Variants in LARGE1 observed in about 807,000 individuals in gnomAD.
LARGE1 encodes the protein LARGE xylosyl- and glucuronyltransferase 1.
In LARGE1, 43 loss-of-function variants were observed where a neutral mutation model predicts 87.6. That is an observed-to-expected ratio of 0.49 (90% CI 0.38 to 0.63). LARGE1 has a LOEUF of 0.63. Ranked by LOEUF, LARGE1 falls within the 30% of genes least tolerant of loss-of-function variation. The pLI is 0.00. For missense variants in LARGE1, 802 were observed against 1,000.2 expected (o/e 0.80, Z 2.67); for synonymous variants, 434 against 394.6 (o/e 1.10, Z -1.18).
intron 11 of LARGE1, among the ~76,000 whole-genome samples, chr22:33,237,284 A>G (rs954769042): frequency 6.6e-6 from 1 of 152,244 alleles, no homozygotes; most frequent in Non-Finnish European, 1.5e-5. Context: ...AACCATGATA[A>G]GCTTAAACAT....
the LARGE1 span, among the ~76,000 whole-genome samples, chr22:33,112,498 T>C: frequency 6.6e-6 from 1 of 152,224 alleles, no homozygotes; most frequent in African/African-American, 2.4e-5. Flanking sequence ...GAAGTCATGT[T>C]GGCAAATATC....
At chr22:33,708,458 A>C (rs5749649) in intron 2 of LARGE1, among the ~76,000 whole-genome samples, 51,350 of 151,874 alleles carry the variant, frequency 0.34, 8,855 homozygotes, top group East Asian at 0.38. Context: ...GGCATTTCAT[A>C]CCTTCAGGTG....
chr22:33,832,328 G>A (rs886655996), intron 1 of LARGE1, among the ~76,000 whole-genome samples: 9 of 152,278 alleles, frequency 5.9e-5, no homozygotes, highest in East Asian at 5.8e-4. Flanking sequence ...GCCCAAGCCC[G>A]AGGTACCCTG....
chr22:33,514,324 C>T (rs117669020), intron 6 of LARGE1, among the ~76,000 whole-genome samples: 1,710 of 152,026 alleles, frequency 0.011, 19 homozygotes, highest in Middle Eastern at 0.027. Flanking sequence ...ACAGTTATGC[C>T]TGCATATGTG....
chr22:33,432,088 C>G, intron 7 of LARGE1, 73 bp downstream of exon 7: 1 of 1,245,978 alleles, frequency 8.0e-7, no homozygotes, highest in Non-Finnish European at 1.2e-6. Flanking sequence ...TTGCAATCTC[C>G]TCTCCTGCGG....
At chr22:33,303,179 C>G (rs773095818) in intron 12 of LARGE1, among the ~76,000 whole-genome samples, 1 of 152,186 alleles carries the variant, frequency 6.6e-6, no homozygotes, top group Non-Finnish European at 1.5e-5. Context: ...GCCATCTAAG[C>G]CTTCCATTAG....
At chr22:33,204,766 C>G (rs896245555) in intron 11 of LARGE1, among the ~76,000 whole-genome samples, 1 of 152,120 alleles carries the variant, frequency 6.6e-6, no homozygotes, top group Non-Finnish European at 1.5e-5. Context: ...CAACTGTGTT[C>G]CCCTTGTGCT....
intron 1 of LARGE1, among the ~76,000 whole-genome samples, chr22:33,806,299 A>C (rs2086307374): frequency 6.6e-6 from 1 of 152,202 alleles, no homozygotes; most frequent in Non-Finnish European, 1.5e-5. Flanking sequence ...TCAGATACCG[A>C]AACCAAAACC....
chr22:33,124,790 C>G, the LARGE1 span, among the ~76,000 whole-genome samples: 11 of 152,098 alleles, frequency 7.2e-5, no homozygotes, highest in Admixed American at 5.2e-4. Flanking sequence ...TTGCTTGAGC[C>G]CAGAAGTTCG....
At chr22:33,414,102 T>C (rs1044090744) in intron 7 of LARGE1, among the ~76,000 whole-genome samples, 9 of 152,156 alleles carry the variant, frequency 5.9e-5, no homozygotes, top group Non-Finnish European at 1.3e-4. Context: ...TTTTAATTTT[T>C]GGAGGAACCG....
intron 11 of LARGE1, among the ~76,000 whole-genome samples, chr22:33,228,612 C>T (rs1925852605): frequency 6.6e-6 from 1 of 152,230 alleles, no homozygotes; most frequent in African/African-American, 2.4e-5. Flanking sequence ...ATGTAATACA[C>T]AGTCCTTTAA....
the LARGE1 span, among the ~76,000 whole-genome samples, chr22:33,089,313 C>T: frequency 8.0e-4 from 85 of 106,238 alleles, no homozygotes; most frequent in South Asian, 2.9e-3. Context: ...TCTTCTTCTT[C>T]TTTCTTCTTT....
At chr22:33,086,039 A>G in the LARGE1 span, among the ~76,000 whole-genome samples, 1 of 152,222 alleles carries the variant, frequency 6.6e-6, no homozygotes, top group Non-Finnish European at 1.5e-5. Context: ...TTATATGTAT[A>G]TACTGAAGAA....
chr22:33,305,052 C>CT (rs1934685377), intron 11 of LARGE1, among the ~76,000 whole-genome samples: 1 of 152,198 alleles, frequency 6.6e-6, no homozygotes, highest in Non-Finnish European at 1.5e-5. Flanking sequence ...TGTCATTCTC[C>CT]CCATTTTCCT....
chr22:33,227,059 TTTA>T (rs769765962), intron 11 of LARGE1, among the ~76,000 whole-genome samples: 6 of 144,692 alleles, frequency 4.1e-5, no homozygotes, highest in Non-Finnish European at 9.2e-5. Flanking sequence ...AGTGACTATA[TTTA>T]TTTATTTATT....
chr22:33,694,504 C>A (rs898539336), intron 2 of LARGE1, among the ~76,000 whole-genome samples: 2 of 152,134 alleles, frequency 1.3e-5, no homozygotes, highest in African/African-American at 2.4e-5. Flanking sequence ...AACGTTTGAT[C>A]AATAAATGTC....
At chr22:33,475,752 C>A (rs2069051313) in intron 6 of LARGE1, among the ~76,000 whole-genome samples, 1 of 152,168 alleles carries the variant, frequency 6.6e-6, no homozygotes, top group Non-Finnish European at 1.5e-5. Flanking sequence ...GCGTGAGCCA[C>A]CGCACCTGGC....
intron 9 of LARGE1, among the ~76,000 whole-genome samples, chr22:33,342,213 G>A (rs144881053): frequency 9.6e-4 from 146 of 152,238 alleles, no homozygotes; most frequent in African/African-American, 3.2e-3. Context: ...GAATGATTCC[G>A]GTGCTTGCCA....
intron 5 of LARGE1, among the ~76,000 whole-genome samples, chr22:33,597,563 T>C (rs945512140): frequency 6.6e-6 from 1 of 152,034 alleles, no homozygotes; most frequent in African/African-American, 2.4e-5. Context: ...TAAGGATGAG[T>C]AGGAGGCCAG....
Sources: allele counts gnomAD v4.1 joint callset (sites outside exome capture counted in the v4.1 genomes callset), GRCh38; gene constraint gnomAD v4.1.1; transcripts MANE v1.5; gene names NCBI Gene and HGNC (gene_info 2026-07-23, HGNC 2026-07-21).